Variants in DGKB observed in about 807,000 individuals in gnomAD.
DGKB encodes diacylglycerol kinase beta.
A neutral mutation model predicts 114.3 loss-of-function variants in DGKB; 67 were observed. That is an observed-to-expected ratio of 0.59 (90% CI 0.48 to 0.72). DGKB has a LOEUF of 0.72. Ranked by LOEUF, DGKB falls within the 30% of genes least tolerant of loss-of-function variation. The pLI, the probability that DGKB is intolerant of heterozygous loss-of-function variation, is 0.00. For synonymous variants in DGKB, 398 were observed against 323.1 expected (o/e 1.23, Z -2.49); for missense variants, 907 against 975.2 (o/e 0.93, Z 0.93).
At chr7:14,455,240 G>A (rs534208126) in intron 21 of DGKB, among the ~76,000 whole-genome samples, 24 of 152,098 alleles carry the variant, frequency 1.6e-4, no homozygotes, top group African/African-American at 5.3e-4. Context: ...TTATCTGCTA[G>A]AGAGCTTGGA....
chr7:14,893,370 G>A (rs886854567), intron 1 of DGKB, among the ~76,000 whole-genome samples: 1 of 151,374 alleles, frequency 6.6e-6, no homozygotes. Flanking sequence ...CTGGTCTTTA[G>A]AACATTCCAG....
intron 21 of DGKB, among the ~76,000 whole-genome samples, chr7:14,392,995 G>GTTTTTGTTTTTTGTTTTTTTTTTT: frequency 3.3e-5 from 2 of 60,548 alleles, no homozygotes; most frequent in African/African-American, 9.7e-5. Flanking sequence ...TTTTGTTTTT[G>GTTTTTGTTTTTTGTTTTTTTTTTT]TTTTTTTTTT....
chr7:14,317,433 A>G (rs1398382809), intron 23 of DGKB, among the ~76,000 whole-genome samples: 1 of 149,194 alleles, frequency 6.7e-6, no homozygotes, highest in Admixed American at 6.7e-5. Context: ...CAACTTCAGC[A>G]AAGTCTCAGG....
At chr7:14,519,220 A>G (rs78705434) in intron 20 of DGKB, among the ~76,000 whole-genome samples, 13,471 of 151,776 alleles carry the variant, frequency 0.089, 997 homozygotes, top group East Asian at 0.43. Context: ...CAGAGCTACA[A>G]TTTTTTTTCC....
rs1225187481 is a variant in DGKB at position 14,146,384 on chromosome 7, T to C, written c.*2747A>G. 6.6e-6 allele frequency: 1 copy of C among 152,194 alleles called. No individual in the cohort carries two copies. The highest frequency in any genetic ancestry group is 1.5e-5 in the Non-Finnish European group (1 of 68,036). 9.4% of individuals were successfully genotyped at this position (152,194 alleles called of 1,614,324 possible). On this transcript the variant is annotated 3_prime_UTR_variant, in exon 26 of 26. Transcript: ENST00000402815. ...TTTCTGACTGCTGTTAAGTCCAGCA[T>C]TAATTTACATTTAAGAGTTTCAGCC... is the stretch of plus-strand genomic sequence containing the variant.
chr7:14,493,231 A>G (rs1784833858), intron 20 of DGKB, among the ~76,000 whole-genome samples: 1 of 152,064 alleles, frequency 6.6e-6, no homozygotes, highest in South Asian at 2.1e-4. Flanking sequence ...TGCTAATACC[A>G]TGTTTTCCCC....
At chr7:14,749,262 G>T (rs1179021546) in intron 4 of DGKB, among the ~76,000 whole-genome samples, 2 of 152,070 alleles carry the variant, frequency 1.3e-5, no homozygotes, top group Admixed American at 1.3e-4. Flanking sequence ...TCAAATTTCA[G>T]AGAGTTCCTT....
chr7:14,719,353 T>C (rs1189739118), intron 5 of DGKB, among the ~76,000 whole-genome samples: 1 of 152,164 alleles, frequency 6.6e-6, no homozygotes, highest in African/African-American at 2.4e-5. Context: ...GTCTGTTCTA[T>C]CACAAGGATA....
At chr7:14,448,071 T>G (rs372236975) in intron 21 of DGKB, among the ~76,000 whole-genome samples, 1 of 152,176 alleles carries the variant, frequency 6.6e-6, no homozygotes, top group South Asian at 2.1e-4. Context: ...CTCCATAAAT[T>G]TATTGAGCAG....
intron 1 of DGKB, among the ~76,000 whole-genome samples, chr7:14,961,281 CA>C (rs1786829364): frequency 6.6e-6 from 1 of 152,030 alleles, no homozygotes; most frequent in Non-Finnish European, 1.5e-5. Context: ...TTGAACAAAA[CA>C]TTGATTTTAT....
At chr7:14,238,278 C>A (rs189124742) in intron 23 of DGKB, among the ~76,000 whole-genome samples, 1 of 151,850 alleles carries the variant, frequency 6.6e-6, no homozygotes, top group Non-Finnish European at 1.5e-5. Context: ...TAAGATCTGA[C>A]GGTTTAATAG....
intron 12 of DGKB, among the ~76,000 whole-genome samples, chr7:14,677,582 T>TA (rs1444688207): frequency 6.6e-6 from 1 of 152,060 alleles, no homozygotes; most frequent in East Asian, 1.9e-4. Flanking sequence ...CAAGCCTAAA[T>TA]AAAATCCCTC....
At chr7:14,611,487 C>T (rs986352057) in intron 16 of DGKB, among the ~76,000 whole-genome samples, 5 of 152,176 alleles carry the variant, frequency 3.3e-5, no homozygotes, top group East Asian at 1.9e-4. Flanking sequence ...AAACACTGAA[C>T]GGGATCACCT....
chr7:14,586,343 C>G (rs3951243), intron 17 of DGKB, among the ~76,000 whole-genome samples: 73,471 of 151,708 alleles, frequency 0.48, 17,924 homozygotes, highest in Middle Eastern at 0.51. Flanking sequence ...AGAGCAAGCC[C>G]CTAACTCTAT....
intron 23 of DGKB, among the ~76,000 whole-genome samples, chr7:14,301,148 T>C (rs1334380184): frequency 6.6e-6 from 1 of 152,166 alleles, no homozygotes. Context: ...TGATATTTTA[T>C]GGGTTTTAAA....
intron 1 of DGKB, among the ~76,000 whole-genome samples, chr7:14,842,309 T>C (rs62451472): frequency 0.23 from 34,323 of 152,114 alleles, 4,400 homozygotes; most frequent in African/African-American, 0.36. Flanking sequence ...TTCTTCAACA[T>C]CTCTTTACTG....
intron 13 of DGKB, among the ~76,000 whole-genome samples, chr7:14,647,990 T>A (rs1020714815): frequency 6.6e-6 from 1 of 152,086 alleles, no homozygotes; most frequent in Admixed American, 6.5e-5. Context: ...GCTCAGAGGG[T>A]CCTACGCCCA....
At chr7:14,650,089 A>G (rs1814103526) in intron 13 of DGKB, among the ~76,000 whole-genome samples, 1 of 151,476 alleles carries the variant, frequency 6.6e-6, no homozygotes, top group Admixed American at 6.6e-5. Flanking sequence ...CAGATCAACG[A>G]GACAGAAAGT....
At chr7:14,491,588 C>T (rs1309267495) in intron 20 of DGKB, among the ~76,000 whole-genome samples, 1 of 151,912 alleles carries the variant, frequency 6.6e-6, no homozygotes, top group Admixed American at 6.6e-5. Flanking sequence ...GTTGCTAATG[C>T]CATTAGCATC....
Sources: gnomAD v4.1 joint callset for allele counts (sites outside exome capture counted in the v4.1 genomes callset) on GRCh38, gnomAD v4.1.1 for gene constraint, MANE v1.5 for transcripts, NCBI Gene and HGNC (gene_info 2026-07-23, HGNC 2026-07-21) for gene names.